UBR3: variants seen among roughly 807,000 people sequenced by gnomAD.
UBR3 encodes ubiquitin protein ligase E3 component n-recognin 3, also known as E3 ubiquitin-protein ligase UBR3.
UBR3 carries 85 observed loss-of-function variants against 243.2 expected under a neutral mutation model. The observed-to-expected ratio is 0.35, with a 90% confidence interval of 0.29 to 0.42. UBR3 has a LOEUF of 0.42. Among genes scored for constraint, UBR3 ranks in the 10% least tolerant of loss-of-function variants. The pLI, the probability that UBR3 is intolerant of heterozygous loss-of-function variation, is 1.00. For synonymous variants in UBR3, 748 were observed against 799.8 expected (o/e 0.94, Z 1.09); for missense variants, 1,686 against 2,300.8 (o/e 0.73, Z 5.47).
chr2:169,930,934 A>G (rs1434516217), intron 18 of UBR3, among the ~76,000 whole-genome samples: 2 of 152,172 alleles, frequency 1.3e-5, no homozygotes, highest in Admixed American at 6.6e-5. Flanking sequence ...ATTCAGCTCC[A>G]TGGAACACTG....
At chr2:170,080,096 C>T (rs1302035520) in intron 37 of UBR3, 73 bp downstream of exon 37, 1 of 1,347,654 alleles carries the variant, frequency 7.4e-7, no homozygotes, top group Admixed American at 2.1e-5. Context: ...CAAGCCATCT[C>T]TTCATATTAA....
intron 17 of UBR3, among the ~76,000 whole-genome samples, chr2:169,927,742 T>C (rs2085964454): frequency 6.6e-6 from 1 of 152,178 alleles, no homozygotes; most frequent in Admixed American, 6.5e-5. Context: ...ATTTTGTCTG[T>C]GTAGCCAGGA....
chr2:169,984,120 CATTT>C (rs1232757137), intron 24 of UBR3, among the ~76,000 whole-genome samples: 1 of 151,990 alleles, frequency 6.6e-6, no homozygotes, highest in Non-Finnish European at 1.5e-5. Context: ...CATGGCACAT[CATTT>C]AGATTTTTTT....
chr2:170,020,468 A>T (rs111251488), intron 30 of UBR3, among the ~76,000 whole-genome samples: 17 of 152,296 alleles, frequency 1.1e-4, no homozygotes, highest in African/African-American at 3.1e-4. Flanking sequence ...GATCATAAGC[A>T]TGTGCTTAGG....
At chr2:170,072,216 T>C (rs1458207351) in intron 35 of UBR3, among the ~76,000 whole-genome samples, 1 of 152,144 alleles carries the variant, frequency 6.6e-6, no homozygotes. Context: ...ATGTGGCACA[T>C]ATACGCCATG....
Position 169,946,648 on chromosome 2 carries a change from A to G in UBR3, c.2910+256A>G, listed in dbSNP as rs185836782. On this transcript the variant is annotated intron_variant, in intron 21 of 38. Transcript: ENST00000272793. ...GGCCTTCATTGATACATTAAATTCT[A>G]TTATGGAATTATTGAATTTGAAATT... 3.3e-4 allele frequency among the ~76,000 whole-genome samples: 50 copies of G among 152,256 alleles called. No individual in the cohort carries two copies. In the South Asian group the frequency reaches 7.3e-3, roughly 22 times the overall value.
intron 5 of UBR3, among the ~76,000 whole-genome samples, chr2:169,882,289 ATT>A (rs2083910237): frequency 7.2e-6 from 1 of 139,526 alleles, no homozygotes; most frequent in East Asian, 2.0e-4. Context: ...ATATTTATAT[ATT>A]GTATATTTAT....
chr2:169,978,888 GGT>G (rs1202049800), intron 24 of UBR3, among the ~76,000 whole-genome samples: 1 of 152,064 alleles, frequency 6.6e-6, no homozygotes, highest in Non-Finnish European at 1.5e-5. Context: ...TGGGATGAGG[GGT>G]GTTATATCGG....
intron 20 of UBR3, among the ~76,000 whole-genome samples, chr2:169,945,106 T>G (rs1559120145): frequency 6.6e-6 from 1 of 152,084 alleles, no homozygotes; most frequent in African/African-American, 2.4e-5. Context: ...TTACAACAAT[T>G]CTGGGCTATA....
chr2:169,864,906 C>CAAAAAAA (rs11336906), intron 1 of UBR3, among the ~76,000 whole-genome samples: 1 of 64,824 alleles, frequency 1.5e-5, no homozygotes, highest in Non-Finnish European at 3.0e-5. Context: ...GACTCCGTCT[C>CAAAAAAA]AAAAAAAAAA....
rs1316675712 is a variant in UBR3 at position 170,083,347 on chromosome 2, A to G, written c.*1504A>G. ...ATTACCTATCGTTCTACAATAAAAT[A>G]CATGGAAATAGCTTGCTATTTTTAT... On this transcript the variant is annotated 3_prime_UTR_variant, in exon 39 of 39. Transcript: ENST00000272793. 2.0e-5 allele frequency: 3 copies of G among 152,628 alleles called. No individual in the cohort carries two copies. 9.5% of individuals were successfully genotyped at this position (152,628 alleles called of 1,614,324 possible).
intron 10 of UBR3, 31 bp from the exon 11 acceptor site, chr2:169,914,029 T>A (rs773181408): frequency 4.6e-6 from 5 of 1,083,060 alleles, no homozygotes; most frequent in African/African-American, 1.7e-5. Flanking sequence ...TTATATATCA[T>A]AAATTTATTA....
chr2:169,925,249 T>C (rs889211971), intron 13 of UBR3, among the ~76,000 whole-genome samples: 15 of 152,212 alleles, frequency 9.9e-5, no homozygotes, highest in Non-Finnish European at 2.1e-4. Context: ...TATTCTAGTG[T>C]CTTTCTTTAA....
intron 35 of UBR3, 103 bp downstream of exon 35, chr2:170,061,546 C>T: frequency 2.2e-6 from 3 of 1,390,694 alleles, no homozygotes; most frequent in Non-Finnish European, 2.9e-6. Flanking sequence ...CGGCTTACTG[C>T]AACCTCCGCC....
intron 24 of UBR3, among the ~76,000 whole-genome samples, chr2:169,969,467 T>G (rs2087983886): frequency 6.6e-6 from 1 of 152,170 alleles, no homozygotes; most frequent in Admixed American, 6.5e-5. Context: ...GCACTGAATG[T>G]TTTTGGTACC....
chr2:170,081,283 G>A (rs112555156), intron 38 of UBR3, among the ~76,000 whole-genome samples: 15,965 of 152,184 alleles, frequency 0.1, 1,109 homozygotes, highest in Admixed American at 0.18. Context: ...TGGATCACTT[G>A]AGGTCAGGAG....
intron 6 of UBR3, 111 bp from the exon 7 acceptor site, chr2:169,895,070 A>G (rs1042570903): frequency 2.5e-5 from 26 of 1,035,628 alleles, no homozygotes; most frequent in Non-Finnish European, 3.3e-5. Flanking sequence ...TATTGTAAGG[A>G]TATTTTTAAC....
intron 27 of UBR3, among the ~76,000 whole-genome samples, chr2:170,003,270 C>T (rs972092474): frequency 6.6e-6 from 1 of 152,174 alleles, no homozygotes; most frequent in Admixed American, 6.5e-5. Context: ...ATCAACAATA[C>T]GTGTTGTTGG....
At chr2:169,997,009 T>G (rs2089511230) in intron 26 of UBR3, among the ~76,000 whole-genome samples, 1 of 150,280 alleles carries the variant, frequency 6.7e-6, no homozygotes, top group African/African-American at 2.4e-5. Flanking sequence ...TGCTTTGGAT[T>G]TTTTTTTTTA....
Sources: gnomAD v4.1 joint callset for allele counts (sites outside exome capture counted in the v4.1 genomes callset) on GRCh38, gnomAD v4.1.1 for gene constraint, MANE v1.5 for transcripts, NCBI Gene and HGNC (gene_info 2026-07-23, HGNC 2026-07-21) for gene names.